The following BPTF variants were observed in gnomAD, a reference collection of about 807,000 sequenced individuals.
The protein encoded by BPTF is bromodomain PHD finger transcription factor.
A neutral mutation model predicts 292.5 loss-of-function variants in BPTF; 18 were observed. That is an observed-to-expected ratio of 0.06 (90% CI 0.04 to 0.09). The LOEUF (loss-of-function observed/expected upper bound fraction) is 0.09, where lower values mean the gene tolerates loss of function less well. Among genes scored for constraint, BPTF ranks in the 10% least tolerant of loss-of-function variants. The pLI, the probability that BPTF is intolerant of heterozygous loss-of-function variation, is 1.00. For missense variants in BPTF, 2,726 were observed against 3,498.7 expected (o/e 0.78, Z 5.57); for synonymous variants, 1,225 against 1,251.9 (o/e 0.98, Z 0.45).
In BPTF at chr17:67,893,643, A is replaced by C; in HGVS notation, c.2329A>C (p.Ile777Leu). Residue 777 changes from isoleucine to leucine, a missense_variant, in exon 6 of 28, where the codon ATA becomes CTA. By Grantham distance (5) the Ile-to-Leu change is conservative (BLOSUM62 2). Around this residue, in one of 22 missense-constraint regions of BPTF, gnomAD observed 99 missense variants for 227.1 expected, o/e 0.44. Coordinates refer to ENST00000306378, the MANE Select transcript of BPTF (RefSeq NM_182641.4). Reference sequence around the variant, plus strand: ...TGTCCATGGGTCCAAAGTTCTTACCATATCTACTCTGAGACTGACTATCAC... The same window carrying C: ...TGTCCATGGGTCCAAAGTTCTTACCCTATCTACTCTGAGACTGACTATCAC... The part of the protein sequence containing the change: ...GSVHGSKVLT[I>L]STLRLTITQL... The C allele has an allele frequency of 6.2e-7, 1 of 1,611,914 alleles. No homozygotes were observed. Among genetic ancestry groups the C allele is most frequent in the Non-Finnish European group, 8.5e-7 (1 of 1,178,136 alleles).
At chr17:67,881,311 T>TAGGTA in intron 4 of BPTF, among the ~76,000 whole-genome samples, 1 of 152,100 alleles carries the variant, frequency 6.6e-6, no homozygotes. Flanking sequence ...TTCAACTGTC[T>TAGGTA]TTGGCAAGAA....
chr17:67,848,639 C>T (rs1178293059), intron 1 of BPTF, among the ~76,000 whole-genome samples: 8 of 152,092 alleles, frequency 5.3e-5, no homozygotes, highest in Admixed American at 5.2e-4. Context: ...GACTACAGTG[C>T]GTATTTAAAA....
intron 3 of BPTF, among the ~76,000 whole-genome samples, chr17:67,869,411 T>TA (rs2059577096): frequency 6.6e-6 from 1 of 152,186 alleles, no homozygotes; most frequent in Non-Finnish European, 1.5e-5. Flanking sequence ...TGTAAAAACC[T>TA]AAAAATGTTA....
chr17:67,920,863 C>A (rs867735002), intron 13 of BPTF, among the ~76,000 whole-genome samples: 1 of 151,802 alleles, frequency 6.6e-6, no homozygotes, highest in African/African-American at 2.4e-5. Flanking sequence ...ATATAAATTC[C>A]ATTTTATTTT....
chr17:67,853,246 C>CT (rs1222650570), intron 1 of BPTF, among the ~76,000 whole-genome samples: 1 of 152,206 alleles, frequency 6.6e-6, no homozygotes, highest in Non-Finnish European at 1.5e-5. Flanking sequence ...GAACAGGTAT[C>CT]TAAAAAGTTG....
At chr17:67,901,928 T>C (rs1230809424) in intron 7 of BPTF, among the ~76,000 whole-genome samples, 1 of 152,204 alleles carries the variant, frequency 6.6e-6, no homozygotes, top group African/African-American at 2.4e-5. Flanking sequence ...AAAATATTGT[T>C]TGTTACAGCT....
chr17:67,976,079 A>G (rs534940775), intron 27 of BPTF, 121 bp downstream of exon 27: 2 of 737,700 alleles, frequency 2.7e-6, no homozygotes, highest in Non-Finnish European at 4.0e-6. Context: ...CTTTAAAAAA[A>G]AAATAAATAA....
At chr17:67,891,816 A>AT (rs1456436328) in intron 4 of BPTF, 28 bp from the exon 5 acceptor site, 1 of 1,512,910 alleles carries the variant, frequency 6.6e-7, no homozygotes, top group Admixed American at 2.2e-5. Flanking sequence ...ATTGTCAGCA[A>AT]TTGCTTTGTG....
chr17:67,879,759 G>A (rs2060276602), intron 4 of BPTF, among the ~76,000 whole-genome samples: 1 of 152,148 alleles, frequency 6.6e-6, no homozygotes, highest in Non-Finnish European at 1.5e-5. Context: ...AGAGCAAATA[G>A]GGGAGGCGGG....
At chr17:67,945,342 A>G in intron 20 of BPTF, 67 bp from the exon 21 acceptor site, 2 of 1,542,224 alleles carry the variant, frequency 1.3e-6, no homozygotes, top group Non-Finnish European at 1.7e-6. Context: ...GATTTCCTTC[A>G]GATTCTTCTT....
chr17:67,934,451 G>A (rs2064725656), intron 18 of BPTF, among the ~76,000 whole-genome samples: 1 of 151,878 alleles, frequency 6.6e-6, no homozygotes, highest in African/African-American at 2.4e-5. Flanking sequence ...CTTGGGAGGT[G>A]GGGGTTGCAG....
intron 3 of BPTF, among the ~76,000 whole-genome samples, chr17:67,872,439 C>T (rs1012414264): frequency 4.6e-5 from 7 of 152,080 alleles, no homozygotes; most frequent in African/African-American, 1.4e-4. Flanking sequence ...AATGGCCGGG[C>T]GTGGTGGCTC....
In BPTF at chr17:67,944,219, C is replaced by T. The variant is rs1555673272; in HGVS notation, c.6547C>T (p.Pro2183Ser). ...AACTACTGGACAGTTGCAGTTGATA[C>T]CTCAAGGGGTGACTGTACTCCCAGG... ...GQTTGQLQLIPQGVTVLPGPG... is the reference protein window; with the variant it reads ...GQTTGQLQLISQGVTVLPGPG... Residue 2183 changes from proline to serine, a missense_variant, in exon 20 of 28, where the codon CCT becomes TCT. By Grantham distance (74) the Pro-to-Ser change is moderately conservative. Transcript: ENST00000306378. 1.2e-6 allele frequency: 2 copies of T among 1,614,138 alleles called. No homozygotes were observed. Among genetic ancestry groups the T allele is most frequent in the South Asian group, 1.1e-5 (1 of 91,078 alleles).
At chr17:67,884,160 A>G (rs2060600612) in intron 4 of BPTF, among the ~76,000 whole-genome samples, 2 of 143,950 alleles carry the variant, frequency 1.4e-5, no homozygotes, top group South Asian at 4.3e-4. Flanking sequence ...TTTTTTTTGA[A>G]ACAATCTCGT....
At chr17:67,974,996 C>G (rs1356702396) in intron 26 of BPTF, 1 of 152,228 alleles carries the variant, frequency 6.6e-6, no homozygotes, top group Non-Finnish European at 1.5e-5. Context: ...CTAGGTCTTT[C>G]CGGTGACCAG....
chr17:67,913,516 A>G (rs547582160), intron 11 of BPTF, among the ~76,000 whole-genome samples: 1 of 152,336 alleles, frequency 6.6e-6, no homozygotes, highest in East Asian at 1.9e-4. Flanking sequence ...TCTGGGAACA[A>G]GATAACCACC....
In BPTF at chr17:67,913,263, A is replaced by T. The variant is rs1034350984; in HGVS notation, c.5303+76A>T. The T allele has an allele frequency of 5.7e-5, 84 of 1,470,872 alleles. 1 individual carries two copies. In the South Asian group the frequency reaches 7.8e-4, roughly 14 times the overall value. The allele number at this position is 1,470,872 out of a possible 1,614,324, so 91.1% of individuals were successfully genotyped here. ...TATCTCACAAGAATATCTCATTTTT[A>T]AAAAATGAGATAATAGAGATAAGAC... On this transcript the variant is annotated intron_variant, in intron 11 of 27. Coordinates refer to ENST00000306378, the MANE Select transcript of BPTF (RefSeq NM_182641.4).
intron 4 of BPTF, among the ~76,000 whole-genome samples, chr17:67,880,213 T>G (rs2060310729): frequency 1.3e-5 from 2 of 152,194 alleles, no homozygotes. Flanking sequence ...GCAATTCCAT[T>G]AGTCTTTTTT....
At chr17:67,844,901 G>A (rs1177761428) in intron 1 of BPTF, among the ~76,000 whole-genome samples, 2 of 152,072 alleles carry the variant, frequency 1.3e-5, no homozygotes, top group Non-Finnish European at 2.9e-5. Flanking sequence ...GTGCCACCAC[G>A]CCTGGCTAAT....
Sources: gnomAD v4.1 joint callset for allele counts (sites outside exome capture counted in the v4.1 genomes callset) on GRCh38, gnomAD v4.1.1 for gene constraint, gnomAD v4.1.1 regional missense constraint, MANE v1.5 for transcripts, NCBI Gene and HGNC (gene_info 2026-07-23, HGNC 2026-07-21) for gene names.